The following MCTP1 variants were observed in gnomAD, a reference collection of about 807,000 sequenced individuals.
MCTP1 encodes the protein multiple C2 and transmembrane domain-containing protein 1.
Under a neutral mutation model 120.6 loss-of-function variants are expected in MCTP1, and 69 were observed. That is an observed-to-expected ratio of 0.57 (90% CI 0.47 to 0.70). The LOEUF is 0.70. Among genes scored for constraint, MCTP1 ranks in the 30% least tolerant of loss-of-function variants. The pLI is 0.00. For missense variants in MCTP1, 1,203 were observed against 1,248.8 expected, an observed-to-expected ratio of 0.96 and a Z score of 0.55; for synonymous variants, 529 against 493.1, an observed-to-expected ratio of 1.07 and a Z score of -0.96.
chr5:94,975,782 T>A (rs551088384), intron 2 of MCTP1, among the ~76,000 whole-genome samples: 2 of 152,014 alleles, frequency 1.3e-5, no homozygotes, highest in African/African-American at 2.4e-5. Context: ...AGTCTTCTTT[T>A]AGTATTTATT....
chr5:95,157,679 G>A (rs1745277268), intron 1 of MCTP1, among the ~76,000 whole-genome samples: 1 of 152,174 alleles, frequency 6.6e-6, no homozygotes, highest in African/African-American at 2.4e-5. Flanking sequence ...GAAAAGTAAT[G>A]TACAAACAAA....
intron 12 of MCTP1, among the ~76,000 whole-genome samples, chr5:94,886,499 A>G (rs1801369997): frequency 6.6e-6 from 1 of 152,192 alleles, no homozygotes; most frequent in Non-Finnish European, 1.5e-5. Flanking sequence ...TCAAATATAG[A>G]TTTGTCTCGT....
intron 1 of MCTP1, among the ~76,000 whole-genome samples, chr5:95,251,901 T>C (rs1028869732): frequency 2.6e-5 from 4 of 152,056 alleles, no homozygotes; most frequent in African/African-American, 9.7e-5. Flanking sequence ...CTAGTAAGTG[T>C]TGAGTGCATA....
intron 1 of MCTP1, among the ~76,000 whole-genome samples, chr5:95,158,007 G>T (rs1243745294): frequency 6.6e-6 from 1 of 152,168 alleles, no homozygotes; most frequent in Admixed American, 6.5e-5. Flanking sequence ...TTTAGTGCAA[G>T]TCTACATCTA....
At chr5:94,928,447 G>A (rs980251407) in intron 6 of MCTP1, among the ~76,000 whole-genome samples, 1 of 152,064 alleles carries the variant, frequency 6.6e-6, no homozygotes, top group Non-Finnish European at 1.5e-5. Context: ...ATAAAATATT[G>A]CAATAATCCA....
intron 3 of MCTP1, among the ~76,000 whole-genome samples, chr5:94,950,757 T>G (rs1820319337): frequency 6.6e-6 from 1 of 151,668 alleles, no homozygotes; most frequent in Non-Finnish European, 1.5e-5. Flanking sequence ...ATCGAGACCA[T>G]CCCAGCTAAC....
chr5:94,926,865 C>T (rs1186045909), intron 6 of MCTP1, among the ~76,000 whole-genome samples: 5 of 152,200 alleles, frequency 3.3e-5, no homozygotes, highest in Non-Finnish European at 7.3e-5. Context: ...AGCAACCACA[C>T]AATAAACATC....
chr5:94,765,835 A>G (rs1434910956), intron 19 of MCTP1, among the ~76,000 whole-genome samples: 2 of 152,172 alleles, frequency 1.3e-5, no homozygotes, highest in Admixed American at 6.5e-5. Flanking sequence ...AGAGGGGGAA[A>G]AAAAAAAGAC....
At chr5:94,809,008 T>C (rs17084081) in intron 17 of MCTP1, among the ~76,000 whole-genome samples, 8,405 of 152,020 alleles carry the variant, frequency 0.055, 449 homozygotes, top group African/African-American at 0.14. Context: ...TTGAAAAACA[T>C]AGCTTGACTC....
rs148633744 is a variant in MCTP1 at position 94,976,979 on chromosome 5, T to C, written c.839-23618A>G. On this transcript the variant is annotated intron_variant, in intron 2 of 22. Coordinates refer to ENST00000515393, the MANE Select transcript of MCTP1 (RefSeq NM_024717.7). ...GGACTAGAAGTCCTATCCAGAGGAA[T>C]TGGACAAGAAAAGGAAATAAAAGCT... Among the ~76,000 whole-genome samples, 362 of 152,156 alleles carry C rather than the reference T, an allele frequency of 2.4e-3. 1 individual carries two copies. Among genetic ancestry groups the C allele is most frequent in the African/African-American group, 8.4e-3 (347 of 41,528 alleles).
At chr5:94,812,706 G>A (rs1000237229) in intron 17 of MCTP1, among the ~76,000 whole-genome samples, 2 of 151,662 alleles carry the variant, frequency 1.3e-5, no homozygotes, top group Admixed American at 6.6e-5. Flanking sequence ...AAACTGCAGT[G>A]CACTGTGATT....
intron 14 of MCTP1, 95 bp downstream of exon 14, chr5:94,871,220 A>G: frequency 3.6e-6 from 3 of 827,844 alleles, no homozygotes; most frequent in Non-Finnish European, 6.0e-6. Context: ...TTGGTTGAGA[A>G]ATGACAGACA....
At chr5:95,259,942 G>A (rs1276019424) in intron 1 of MCTP1, among the ~76,000 whole-genome samples, 1 of 152,194 alleles carries the variant, frequency 6.6e-6, no homozygotes, top group Non-Finnish European at 1.5e-5. Context: ...CATTAGATAT[G>A]CTTACCGCAG....
intron 2 of MCTP1, among the ~76,000 whole-genome samples, chr5:94,978,339 T>C (rs987378098): frequency 6.6e-6 from 1 of 152,140 alleles, no homozygotes; most frequent in African/African-American, 2.4e-5. Flanking sequence ...GATTTAGCAA[T>C]CTGACTTTTT....
Position 95,284,311 on chromosome 5 carries a change from C to G in MCTP1, c.265G>C (p.Asp89His), listed in dbSNP as rs747784471. Residue 89 changes from aspartate (D) to histidine (H), a missense_variant, in exon 1 of 23, where the codon GAC (aspartate) becomes CAC (histidine). By Grantham distance (81) the Asp-to-His change is moderately conservative. Coordinates refer to ENST00000515393, the MANE Select transcript of MCTP1 (RefSeq NM_024717.7). This position sits in a 1 kb window ranked among gnomAD's most constrained non-coding sequence, Gnocchi z 5.2. ...SGFKKRKQVL[D>H]RVFSSSQPNL... Reference sequence around the variant, plus strand: ...GGCTGCGAGGAGGAGAAGACTCGGTCCAGCACTTGCTTCCGCTTCTTGAAG... The same window carrying G: ...GGCTGCGAGGAGGAGAAGACTCGGTGCAGCACTTGCTTCCGCTTCTTGAAG... 2 of 1,597,538 alleles carry G rather than the reference C, an allele frequency of 1.3e-6. No individual in the cohort carries two copies. Among genetic ancestry groups the G allele is most frequent in the Non-Finnish European group, 1.7e-6 (2 of 1,179,298 alleles).
At chr5:94,918,307 C>T (rs1810654316) in intron 7 of MCTP1, among the ~76,000 whole-genome samples, 3 of 152,106 alleles carry the variant, frequency 2.0e-5, no homozygotes, top group Admixed American at 2.0e-4. Flanking sequence ...CAAGAGAAAT[C>T]ATGGAAAGAA....
chr5:95,196,630 A>G (rs186947281), intron 1 of MCTP1, among the ~76,000 whole-genome samples: 2 of 152,352 alleles, frequency 1.3e-5, no homozygotes, highest in Admixed American at 1.3e-4. Flanking sequence ...GTATATGCAG[A>G]CTAGCAACTA....
intron 1 of MCTP1, among the ~76,000 whole-genome samples, chr5:95,201,463 G>GTTTTTTTTTT (rs1562232022): frequency 3.3e-5 from 4 of 120,682 alleles, no homozygotes; most frequent in Non-Finnish European, 5.3e-5. Flanking sequence ...AAGGAAAAGT[G>GTTTTTTTTTT]GTTTTTTTTT....
Position 94,706,443 on chromosome 5 carries a change from GA to G in MCTP1, c.*1052del, listed in dbSNP as rs1462327714. 2 of 141,234 alleles carry G rather than the reference GA, an allele frequency of 1.4e-5. No individual in the cohort carries two copies. The highest frequency in any genetic ancestry group is 5.2e-5 in the African/African-American group (2 of 38,800). 8.7% of individuals were successfully genotyped at this position (141,234 alleles called of 1,614,324 possible). On this transcript the variant is annotated 3_prime_UTR_variant, in exon 23 of 23. Coordinates refer to ENST00000515393, the MANE Select transcript of MCTP1 (RefSeq NM_024717.7). ...CAGGTTTTCATGCATAATCAAGAAT[GA>G]TTTTTTTTAATAAATGAATGTAGTG...
Sources: gnomAD v4.1 joint callset for allele counts (sites outside exome capture counted in the v4.1 genomes callset) on GRCh38, gnomAD v4.1.1 for gene constraint, Gnocchi (gnomAD v3.1) non-coding constraint, MANE v1.5 for transcripts, NCBI Gene and HGNC (gene_info 2026-07-23, HGNC 2026-07-21) for gene names.